ARVCF: variants seen among roughly 807,000 people sequenced by gnomAD.
The protein encoded by ARVCF is ARVCF delta catenin family member.
A neutral mutation model predicts 90.9 loss-of-function variants in ARVCF; 66 were observed. The observed-to-expected ratio is 0.73, with a 90% CI of 0.60 to 0.89. The LOEUF is 0.89. Ranked by LOEUF, ARVCF falls within the 40% of genes least tolerant of loss-of-function variation. The probability of loss-of-function intolerance (pLI) is 0.00; values close to 1 mark genes in which losing one functional copy is unlikely to be tolerated. For missense variants in ARVCF, 1,469 were observed against 1,382.3 expected, an observed-to-expected ratio of 1.06 and a Z score of -1.00; for synonymous variants, 653 against 603.4, an observed-to-expected ratio of 1.08 and a Z score of -1.21.
chr22:19,992,899 C>T (rs1203298090), intron 2 of ARVCF, among the ~76,000 whole-genome samples: 3 of 152,218 alleles, frequency 2.0e-5, no homozygotes, highest in East Asian at 3.8e-4. Context: ...CTAAAGGGGG[C>T]CCACTGGCTC....
Position 20,002,759 on chromosome 22 carries a change from G to A in ARVCF, c.-19+7696C>T, listed in dbSNP as rs550661236. On this transcript the variant is annotated intron_variant, in intron 2 of 19. Transcript: ENST00000263207. The stretch of plus-strand genomic sequence containing the variant: ...AGTTTGTGAGAAGCCCACAGCCTGC[G>A]CATGAAGATTGTGTCAAGGGAATAG... 6.6e-5 allele frequency among the ~76,000 whole-genome samples: 10 copies of A among 152,314 alleles called. No individual in the cohort carries two copies. The East Asian group carries it at 1.2e-3, about 18-fold the overall frequency.
At chr22:19,996,065 T>C (rs980956268) in intron 2 of ARVCF, among the ~76,000 whole-genome samples, 2 of 152,296 alleles carry the variant, frequency 1.3e-5, no homozygotes, top group African/African-American at 4.8e-5. Context: ...TGTGGGTAGC[T>C]TCTGGCCAAG....
chr22:19,968,721 C>T (rs762482920), downstream of ARVCF: 14 of 1,604,694 alleles, frequency 8.7e-6, no homozygotes, highest in South Asian at 4.4e-5. Context: ...GCCCAGGCAG[C>T]GAAGCAGGGC....
chr22:19,992,387 G>A (rs1201411961), intron 2 of ARVCF, among the ~76,000 whole-genome samples: 1 of 152,160 alleles, frequency 6.6e-6, no homozygotes, highest in Non-Finnish European at 1.5e-5. Flanking sequence ...CTCCAGCAAA[G>A]GGATAAACAG....
At chr22:19,987,869 C>T (rs1356999586) in intron 3 of ARVCF, among the ~76,000 whole-genome samples, 1 of 152,162 alleles carries the variant, frequency 6.6e-6, no homozygotes, top group Non-Finnish European at 1.5e-5. Flanking sequence ...CCCACTGCTC[C>T]CCCAGGCCAG....
At position 19,979,936 on chromosome 22, in the gene ARVCF, C is replaced by G. The variant is rs563774001; in HGVS notation, c.1203G>C (p.Gly401=). 1.4e-5 allele frequency: 23 copies of G among 1,595,150 alleles called. 1 individual carries two copies. In the Middle Eastern group the frequency reaches 5.0e-4, roughly 35 times the overall value. The change falls in exon 6 of 20, where the codon GGG becomes GGC. Residue 401 remains glycine, a synonymous_variant. Coordinates refer to ENST00000263207, the MANE Select transcript of ARVCF (RefSeq NM_001670.3). ...CCAGCAGTGCCACAAGCAGCGGCAG[C>G]CCCCGCAACTGCCGTACACGCCGCT... The part of the protein sequence containing the change: ...GVKRRVRQLR[G]LPLLVALLDH...
At chr22:20,011,373 A>G (rs969770572) in intron 1 of ARVCF, among the ~76,000 whole-genome samples, 1 of 152,074 alleles carries the variant, frequency 6.6e-6, no homozygotes, top group African/African-American at 2.4e-5. Flanking sequence ...TCTGGGGGAC[A>G]TCGGTAATGA....
intron 12 of ARVCF, 151 bp from the exon 13 acceptor site, chr22:19,973,944 C>T: frequency 6.8e-7 from 1 of 1,476,666 alleles, no homozygotes; most frequent in Non-Finnish European, 9.0e-7. Flanking sequence ...CCGAGGTTTT[C>T]CCACCGTCCA....
chr22:20,015,020 G>A (rs989325766), intron 1 of ARVCF, among the ~76,000 whole-genome samples: 7 of 152,326 alleles, frequency 4.6e-5, no homozygotes, highest in African/African-American at 1.7e-4. Flanking sequence ...AAACATGGGA[G>A]CCAAGCAGCC....
intron 1 of ARVCF, among the ~76,000 whole-genome samples, chr22:20,012,068 GC>G (rs1260055152): frequency 7.2e-6 from 1 of 138,740 alleles, no homozygotes; most frequent in African/African-American, 2.7e-5. Flanking sequence ...CTGCCTCCAG[GC>G]CTCCCAAAGT....
chr22:19,977,814 T>TCGCAGTGACCA, intron 8 of ARVCF, 144 bp downstream of exon 8: 1 of 1,087,578 alleles, frequency 9.2e-7, no homozygotes, highest in Non-Finnish European at 1.3e-6. Flanking sequence ...TTCAGTGTGG[T>TCGCAGTGACCA]CACTGCGAGG....
At chr22:19,994,970 T>C (rs900745413) in intron 2 of ARVCF, among the ~76,000 whole-genome samples, 4 of 151,588 alleles carry the variant, frequency 2.6e-5, no homozygotes, top group African/African-American at 9.7e-5. Flanking sequence ...ATGAGGGGTA[T>C]GGACAGACAG....
intron 1 of ARVCF, among the ~76,000 whole-genome samples, chr22:20,012,081 C>CG (rs950828486): frequency 2.3e-5 from 3 of 128,600 alleles, no homozygotes; most frequent in Admixed American, 7.7e-5. Context: ...TCCCAAAGTC[C>CG]CCCCCCCCCA....
intron 12 of ARVCF, 44 bp from the exon 13 acceptor site, chr22:19,973,837 A>C: frequency 6.4e-7 from 1 of 1,573,964 alleles, no homozygotes; most frequent in Non-Finnish European, 8.6e-7. Context: ...CATGCCAGGC[A>C]CTCTCCCACC....
intron 3 of ARVCF, chr22:19,987,109 G>T (rs765007338): frequency 1.8e-5 from 10 of 557,712 alleles, no homozygotes; most frequent in Non-Finnish European, 2.6e-5. Context: ...CGGGACTCGG[G>T]GGGCGCTGGC....
rs994916709 is a variant in ARVCF, at chr22:19,970,641, C to T, written c.*115G>A. 1 of 1,282,338 alleles carries T rather than the reference C, an allele frequency of 7.8e-7. No homozygotes were observed. Among genetic ancestry groups the T allele is most frequent in the African/African-American group, 1.5e-5 (1 of 65,562 alleles). 79.4% of individuals were successfully genotyped at this position (1,282,338 alleles called of 1,614,324 possible). On this transcript the variant is annotated 3_prime_UTR_variant, in exon 20 of 20. Transcript: ENST00000263207. ...AGGCTTGGCTGGGGCGAGGCGCTGCCAACCCCTGCCGCCAGGGGGCTCCAA... is the reference window on the plus strand; with the variant it reads ...AGGCTTGGCTGGGGCGAGGCGCTGCTAACCCCTGCCGCCAGGGGGCTCCAA...
intron 2 of ARVCF, among the ~76,000 whole-genome samples, chr22:20,002,322 C>T (rs1468670695): frequency 6.6e-6 from 1 of 152,170 alleles, no homozygotes; most frequent in Non-Finnish European, 1.5e-5. Context: ...CTGGGCCTCT[C>T]TCTATACCAG....
At chr22:19,987,045 G>A (rs752090457) in intron 3 of ARVCF, 2 of 655,808 alleles carry the variant, frequency 3.0e-6, no homozygotes, top group South Asian at 1.6e-5. Context: ...CCCGGGCCAG[G>A]GTCCCCCCAA....
chr22:19,977,881 C>T, intron 8 of ARVCF, 77 bp downstream of exon 8: 1 of 1,473,848 alleles, frequency 6.8e-7, no homozygotes. Flanking sequence ...TGTGCTGCTC[C>T]CACAGTTCCA....
Sources: allele counts gnomAD v4.1 joint callset (sites outside exome capture counted in the v4.1 genomes callset), GRCh38; gene constraint gnomAD v4.1.1; transcripts MANE v1.5; gene names NCBI Gene and HGNC (gene_info 2026-07-23, HGNC 2026-07-21).